Variants in PIK3CB observed in about 807,000 individuals in gnomAD.
The protein encoded by PIK3CB is phosphatidylinositol 4,5-bisphosphate 3-kinase catalytic subunit beta isoform.
PIK3CB carries 39 observed loss-of-function variants against 136.8 expected under a neutral mutation model. The observed-to-expected ratio is 0.29, with a 90% confidence interval of 0.22 to 0.37. PIK3CB has a LOEUF of 0.37. Among genes scored for constraint, PIK3CB ranks in the 10% least tolerant of loss-of-function variants. The pLI, the probability that PIK3CB is intolerant of heterozygous loss-of-function variation, is 1.00. For missense variants in PIK3CB, 868 were observed against 1,275.4 expected (o/e 0.68, Z 4.87); for synonymous variants, 428 against 436.6 (o/e 0.98, Z 0.25).
At chr3:138,662,858 G>T (rs1038657664) in intron 21 of PIK3CB, among the ~76,000 whole-genome samples, 1 of 152,128 alleles carries the variant, frequency 6.6e-6, no homozygotes, top group Non-Finnish European at 1.5e-5. Flanking sequence ...TTCTCTGATG[G>T]CCAGTGATGA....
intron 1 of PIK3CB, among the ~76,000 whole-genome samples, chr3:138,828,982 A>C (rs939836246): frequency 9.0e-6 from 1 of 111,132 alleles, no homozygotes; most frequent in Non-Finnish European, 1.8e-5. Flanking sequence ...TTGTATTTTT[A>C]GTAGAGATGG....
At chr3:138,795,788 T>C (rs1201693113) in intron 2 of PIK3CB, among the ~76,000 whole-genome samples, 1 of 152,184 alleles carries the variant, frequency 6.6e-6, no homozygotes, top group Non-Finnish European at 1.5e-5. Flanking sequence ...AATATTTAGA[T>C]TTTATCACCT....
intron 4 of PIK3CB, among the ~76,000 whole-genome samples, chr3:138,743,110 AT>A (rs1197359416): frequency 6.6e-6 from 1 of 152,190 alleles, no homozygotes; most frequent in Non-Finnish European, 1.5e-5. Flanking sequence ...CATTGTTTTT[AT>A]TTACAAACCA....
rs183270658 is a variant in PIK3CB, at chr3:138,765,181, G to A, written c.-16-5822C>T. Among the ~76,000 whole-genome samples the A allele has an allele frequency of 1.7e-3, 253 of 152,258 alleles. 1 individual carries two copies. Among genetic ancestry groups the A allele is most frequent in the African/African-American group, 5.9e-3 (245 of 41,538 alleles). Reference sequence around the variant, plus strand: ...CTAAAAATACAAAAATTAGCTGGGCGTGATGGCTGCCTGTAATCCCAGCTA... The same window carrying A: ...CTAAAAATACAAAAATTAGCTGGGCATGATGGCTGCCTGTAATCCCAGCTA... On this transcript the variant is annotated intron_variant, in intron 2 of 23. Transcript: ENST00000674063.
rs560415991 is a variant in PIK3CB at position 138,821,742 on chromosome 3, G to A, written c.-122+12953C>T. 6.6e-5 allele frequency among the ~76,000 whole-genome samples: 10 copies of A among 152,138 alleles called. No individual in the cohort carries two copies. The South Asian group carries it at 1.5e-3, about 22-fold the overall frequency. ...AGAGGTTGCAGTGAGCCGAGATGGC[G>A]TCACTGCACTCCAGGTTGGGCAACA... is the stretch of plus-strand genomic sequence containing the variant. On this transcript the variant is annotated intron_variant, in intron 1 of 23. Transcript: ENST00000674063.
intron 2 of PIK3CB, chr3:138,778,577 T>C (rs2045886732): frequency 4.6e-6 from 1 of 219,502 alleles, no homozygotes; most frequent in Non-Finnish European, 9.1e-6. Context: ...ACCTGCCAAA[T>C]ACAATGACAT....
At position 138,653,073 on chromosome 3, in the gene PIK3CB, T is replaced by C. The variant is rs948782626; in HGVS notation, c.*2316A>G. 5.2e-6 allele frequency: 1 copy of C among 193,704 alleles called. No individual in the cohort carries two copies. Among genetic ancestry groups the C allele is most frequent in the Non-Finnish European group, 1.1e-5 (1 of 93,026 alleles). The allele number at this position is 193,704 out of a possible 1,614,324, so 12.0% of individuals were successfully genotyped here. On this transcript the variant is annotated 3_prime_UTR_variant, in exon 24 of 24. Coordinates refer to ENST00000674063, the MANE Select transcript of PIK3CB (RefSeq NM_006219.3). ...TGTAAACACAGAATACTATAAATCA[T>C]TGCGGATATAAATGAAAGATAATCT...
Position 138,695,808 on chromosome 3 carries a change from G to A in PIK3CB, c.1771-901C>T, listed in dbSNP as rs1294481292. 3.9e-5 allele frequency among the ~76,000 whole-genome samples: 6 copies of A among 151,994 alleles called. No homozygotes were observed. In the South Asian group the frequency reaches 6.2e-4, roughly 16 times the overall value. ...GTTGCCCAGGATGGAGTACAATAGT[G>A]CAATCTTGGCTCACTACAACCTCTC... is the stretch of plus-strand genomic sequence containing the variant. On this transcript the variant is annotated intron_variant, in intron 13 of 23. Coordinates refer to ENST00000674063, the MANE Select transcript of PIK3CB (RefSeq NM_006219.3).
rs116795584 is a variant in PIK3CB, at chr3:138,741,354, C to T, written c.621+1204G>A. On this transcript the variant is annotated intron_variant, in intron 5 of 23. Transcript: ENST00000674063. The stretch of plus-strand genomic sequence containing the variant: ...TCTTCACTGTAAGATGGGGGAAAGA[C>T]AACAACGCTTGTAAGGTTGGTGTGG... Among the ~76,000 whole-genome samples, 1,308 of 152,282 alleles carry T rather than the reference C, an allele frequency of 8.6e-3. 27 individuals carry two copies. The highest frequency in any genetic ancestry group is 0.029 in the African/African-American group (1,185 of 41,550).
At chr3:138,728,440 G>C in intron 8 of PIK3CB, among the ~76,000 whole-genome samples, 1 of 152,202 alleles carries the variant, frequency 6.6e-6, no homozygotes, top group South Asian at 2.1e-4. Flanking sequence ...CATCTTGACC[G>C]AGTGAACATT....
In PIK3CB at chr3:138,769,373, T is replaced by C. The variant is rs116312385; in HGVS notation, c.-16-10014A>G. Among the ~76,000 whole-genome samples the C allele has an allele frequency of 7.0e-3, 1,072 of 152,336 alleles. 12 individuals are homozygous for C. The highest frequency in any genetic ancestry group is 0.025 in the African/African-American group (1,023 of 41,568). ...TTTCCTATATTTGGCTATGTTGTTT[T>C]TGGCTAATTCTTGAAGGGTAAAGAA... On this transcript the variant is annotated intron_variant, in intron 2 of 23. Coordinates refer to ENST00000674063, the MANE Select transcript of PIK3CB (RefSeq NM_006219.3).
rs1402470993 is a variant in PIK3CB, at chr3:138,737,822, T to C, written c.686A>G (p.Gln229Arg). 3 of 1,609,042 alleles carry C rather than the reference T, an allele frequency of 1.9e-6. No individual in the cohort carries two copies. Among genetic ancestry groups the C allele is most frequent in the Admixed American group, 3.4e-5 (2 of 59,454 alleles). Residue 229 changes from glutamine to arginine, a missense_variant, in exon 6 of 24, where the codon CAA becomes CGA. Coordinates refer to ENST00000674063, the MANE Select transcript of PIK3CB (RefSeq NM_006219.3). ...CTTCCCATGAATAGTCAAACGTTTT[T>C]GGATTGCCAATTCATTTACTTTGAT... The part of the protein sequence containing the change: ...NPIKVNELAI[Q>R]KRLTIHGKED...
At chr3:138,791,505 T>C (rs2046047481) in intron 2 of PIK3CB, among the ~76,000 whole-genome samples, 1 of 152,014 alleles carries the variant, frequency 6.6e-6, no homozygotes, top group Non-Finnish European at 1.5e-5. Flanking sequence ...CACCACAACC[T>C]CACTCCTGGA....
At chr3:138,806,466 C>T (rs1031071073) in intron 1 of PIK3CB, among the ~76,000 whole-genome samples, 5 of 151,796 alleles carry the variant, frequency 3.3e-5, no homozygotes, top group African/African-American at 1.2e-4. Flanking sequence ...GCCTGGGAGA[C>T]ACAGTGAGAC....
intron 2 of PIK3CB, among the ~76,000 whole-genome samples, chr3:138,795,348 C>A (rs1227700856): frequency 6.8e-5 from 10 of 147,520 alleles, no homozygotes; most frequent in African/African-American, 2.2e-4. Flanking sequence ...AAAAAAAGGC[C>A]CAGCATGGTG....
Position 138,656,202 on chromosome 3 carries a change from C to G in PIK3CB, c.3015G>C (p.Ala1005=), listed in dbSNP as rs375226737. The change falls in exon 23 of 24, where the codon GCG becomes GCC. Residue 1005 remains alanine (A), a synonymous_variant. Coordinates refer to ENST00000674063, the MANE Select transcript of PIK3CB (RefSeq NM_006219.3). The part of the protein sequence containing the change: ...RHGNLFITLF[A]LMLTAGLPEL... ...CAGGAAGCCCTGCAGTCAACATCAG[C>G]GCAAAGAGAGTGATGAAGAGATTCC... 1.9e-6 allele frequency: 3 copies of G among 1,613,766 alleles called. No homozygotes were observed. The highest frequency in any genetic ancestry group is 2.5e-6 in the Non-Finnish European group (3 of 1,179,838).
intron 1 of PIK3CB, among the ~76,000 whole-genome samples, chr3:138,799,129 A>ATGC (rs1025949498): frequency 2.0e-5 from 3 of 150,510 alleles, no homozygotes; most frequent in Admixed American, 6.6e-5. Context: ...GGCTGAGGCT[A>ATGC]TGCTGTTCCA....
chr3:138,713,603 G>A (rs888181164), intron 9 of PIK3CB, among the ~76,000 whole-genome samples: 6 of 152,038 alleles, frequency 3.9e-5, no homozygotes, highest in African/African-American at 1.2e-4. Context: ...CCCGGGAGGC[G>A]GAAGTTGCAG....
intron 8 of PIK3CB, among the ~76,000 whole-genome samples, chr3:138,722,784 T>G (rs2108609472): frequency 6.6e-6 from 1 of 151,572 alleles, no homozygotes. Context: ...AAAAATGTGA[T>G]CTTGAAAAGA....
Sources: gnomAD v4.1 joint callset for allele counts (sites outside exome capture counted in the v4.1 genomes callset) on GRCh38, gnomAD v4.1.1 for gene constraint, MANE v1.5 for transcripts, NCBI Gene and HGNC (gene_info 2026-07-23, HGNC 2026-07-21) for gene names.